Variants in DRAM1 observed in about 807,000 individuals in gnomAD.
The protein encoded by DRAM1 is DNA damage-regulated autophagy modulator protein 1.
A neutral mutation model predicts 28.5 loss-of-function variants in DRAM1; 25 were observed. The observed-to-expected ratio is 0.88, with a 90% CI of 0.64 to 1.23. The LOEUF is 1.23. Among genes scored for constraint, DRAM1 ranks in the 50% most tolerant of loss-of-function variants. The probability of loss-of-function intolerance (pLI) is 0.00; values close to 1 mark genes in which losing one functional copy is unlikely to be tolerated. For missense variants in DRAM1, 249 were observed against 299.2 expected (o/e 0.83, Z 1.24); for synonymous variants, 113 against 114.2 (o/e 0.99, Z 0.07).
chr12:101,907,384 GT>G (rs113194192), intron 3 of DRAM1, among the ~76,000 whole-genome samples: 3 of 147,832 alleles, frequency 2.0e-5, no homozygotes, highest in African/African-American at 2.5e-5. Context: ...ACGTACTTTG[GT>G]TTTTTTTTTC....
At chr12:101,894,267 AC>A (rs1196363874) in intron 1 of DRAM1, among the ~76,000 whole-genome samples, 1 of 151,978 alleles carries the variant, frequency 6.6e-6, no homozygotes, top group Non-Finnish European at 1.5e-5. Flanking sequence ...ACAGGCATGC[AC>A]CACTATGCCT....
At chr12:101,889,503 A>AAGGAAGGAAAGG (rs774762667) in intron 1 of DRAM1, among the ~76,000 whole-genome samples, 26 of 141,496 alleles carry the variant, frequency 1.8e-4, no homozygotes, top group Middle Eastern at 3.6e-3. Flanking sequence ...GTAAGGAAGG[A>AAGGAAGGAAAGG]AAGGAAGGAA....
At chr12:101,910,038 G>A (rs1873981652) in intron 4 of DRAM1, among the ~76,000 whole-genome samples, 1 of 152,200 alleles carries the variant, frequency 6.6e-6, no homozygotes, top group South Asian at 2.1e-4. Context: ...TAAATATTAA[G>A]CTTTGTGTTT....
chr12:101,880,301 T>G (rs1419820845), intron 1 of DRAM1, among the ~76,000 whole-genome samples: 3 of 145,168 alleles, frequency 2.1e-5, no homozygotes, highest in Non-Finnish European at 4.5e-5. Context: ...TTTTTTTTTT[T>G]TTTTAAGACA....
intron 1 of DRAM1, among the ~76,000 whole-genome samples, chr12:101,885,730 G>A (rs1415709631): frequency 6.6e-6 from 1 of 151,924 alleles, no homozygotes; most frequent in African/African-American, 2.4e-5. Flanking sequence ...GTTTCACTAT[G>A]TTGGCCAGGC....
chr12:101,882,350 TC>T (rs1266370911), intron 1 of DRAM1, among the ~76,000 whole-genome samples: 1 of 150,974 alleles, frequency 6.6e-6, no homozygotes, highest in African/African-American at 2.4e-5. Flanking sequence ...GACCTTGTGA[TC>T]CGCCCGCCTC....
At position 101,897,858 on chromosome 12, in the gene DRAM1, G is replaced by T. The variant is rs755022335; in HGVS notation, c.132-5G>T. The T allele has an allele frequency of 6.2e-7, 1 of 1,603,908 alleles. No homozygotes were observed. The highest frequency in any genetic ancestry group is 1.1e-5 in the South Asian group (1 of 90,164). ...AATAATTTGGACATTTCTTCCCTTTGCCAGTGATACGGGAACAACACCTCC... is the reference window on the plus strand; with the variant it reads ...AATAATTTGGACATTTCTTCCCTTTTCCAGTGATACGGGAACAACACCTCC... On this transcript the variant is annotated splice_polypyrimidine_tract_variant and splice_region_variant and intron_variant, in intron 1 of 6. Coordinates refer to ENST00000258534, the MANE Select transcript of DRAM1 (RefSeq NM_018370.3).
At chr12:101,920,294 T>TCAC in intron 6 of DRAM1, 93 bp downstream of exon 6, 1 of 372,612 alleles carries the variant, frequency 2.7e-6, no homozygotes, top group Non-Finnish European at 3.8e-6. Context: ...AAAAGAGCAC[T>TCAC]TTCTTTTTTT....
At chr12:101,897,234 C>T (rs1287001190) in intron 1 of DRAM1, among the ~76,000 whole-genome samples, 1 of 150,992 alleles carries the variant, frequency 6.6e-6, no homozygotes, top group Non-Finnish European at 1.5e-5. Context: ...GAGTCTTGCT[C>T]TGTTGCCCAG....
intron 3 of DRAM1, among the ~76,000 whole-genome samples, chr12:101,904,257 G>GC (rs906612828): frequency 1.3e-4 from 19 of 151,776 alleles, no homozygotes; most frequent in African/African-American, 4.6e-4. Flanking sequence ...CTCCTGAAGT[G>GC]CTGAGAGGTG....
chr12:101,911,827 A>C (rs1452176302), intron 4 of DRAM1, among the ~76,000 whole-genome samples: 1 of 152,250 alleles, frequency 6.6e-6, no homozygotes, highest in Admixed American at 6.5e-5. Context: ...TATGTTGTTT[A>C]TCAATACATA....
rs1873593203 is a variant in DRAM1, at chr12:101,901,310, A to G, written c.219A>G (p.Thr73=). The change falls in exon 3 of 7, where the codon ACA becomes ACG. Residue 73 remains threonine, a synonymous_variant. Transcript: ENST00000258534. Reference sequence around the variant, plus strand: ...TTTCAGGTGCAGCCACGATGTATACAAGATACAAAATAGTACAGAAGCAAA... The same window carrying G: ...TTTCAGGTGCAGCCACGATGTATACGAGATACAAAATAGTACAGAAGCAAA... ...SAFLGAATMY[T]RYKIVQKQNQ... 1 of 1,613,990 alleles carries G rather than the reference A, an allele frequency of 6.2e-7. No homozygotes were observed. Among genetic ancestry groups the G allele is most frequent in the Admixed American group, 1.7e-5 (1 of 59,970 alleles).
chr12:101,912,032 C>T (rs1311094354), intron 4 of DRAM1, among the ~76,000 whole-genome samples: 1 of 152,046 alleles, frequency 6.6e-6, no homozygotes, highest in Non-Finnish European at 1.5e-5. Flanking sequence ...AACCCCATCT[C>T]TACTAAAAAT....
Position 101,877,882 on chromosome 12 carries a change from GCTC to G in DRAM1, c.94_96del (p.Leu32del), listed in dbSNP as rs1594286178. 6.5e-7 allele frequency: 1 copy of G among 1,544,032 alleles called. No individual in the cohort carries two copies. The highest frequency in any genetic ancestry group is 1.7e-4 in the Middle Eastern group (1 of 5,960). ...TCATTATCTCCTACGTGGTCGCCGT[GCTC>G]TCCGGGCACGTCAACCCCTTCCTCC... On this transcript the variant is annotated inframe_deletion, in exon 1 of 7. Coordinates refer to ENST00000258534, the MANE Select transcript of DRAM1 (RefSeq NM_018370.3). The surrounding 1 kb of genome is among the most constrained non-coding windows in gnomAD (Gnocchi z 4.1).
intron 1 of DRAM1, among the ~76,000 whole-genome samples, chr12:101,884,108 C>T (rs917048805): frequency 1.3e-5 from 2 of 151,958 alleles, no homozygotes; most frequent in Non-Finnish European, 2.9e-5. Flanking sequence ...GATTTGCACT[C>T]GGGTGTGGTG....
chr12:101,917,206 C>T (rs963675066), intron 5 of DRAM1, among the ~76,000 whole-genome samples: 2 of 152,190 alleles, frequency 1.3e-5, no homozygotes, highest in African/African-American at 4.8e-5. Context: ...TTTCATTCAG[C>T]TATCAACCAA....
chr12:101,909,669 AAAATGAAATCCATTTTATTTTCT>A (rs1341734674), intron 4 of DRAM1, among the ~76,000 whole-genome samples: 3 of 152,210 alleles, frequency 2.0e-5, no homozygotes, highest in African/African-American at 7.2e-5. Context: ...TTTCATTTTC[AAAATGAAATCCATTTTATTTTCT>A]AACTCAGCAA....
chr12:101,896,370 A>G (rs1330488166), intron 1 of DRAM1, among the ~76,000 whole-genome samples: 2 of 152,236 alleles, frequency 1.3e-5, no homozygotes, highest in Non-Finnish European at 2.9e-5. Flanking sequence ...GAAACACTCA[A>G]AATGAGTTCA....
In DRAM1 at chr12:101,885,077, G is replaced by T. The variant is rs898763634; in HGVS notation, c.131+7157G>T. On this transcript the variant is annotated intron_variant, in intron 1 of 6. Transcript: ENST00000258534. Reference sequence around the variant, plus strand: ...TCCTCCCGAGTAGCTGTGATTAGAGGCATGTGCCACCACGCCCGGCTAATT... The same window carrying T: ...TCCTCCCGAGTAGCTGTGATTAGAGTCATGTGCCACCACGCCCGGCTAATT... Among the ~76,000 whole-genome samples, 3 of 152,004 alleles carry T rather than the reference G, an allele frequency of 2.0e-5. No individual in the cohort carries two copies. In the East Asian group the frequency reaches 5.8e-4, roughly 29 times the overall value.
Sources: gnomAD v4.1 joint callset for allele counts (sites outside exome capture counted in the v4.1 genomes callset) on GRCh38, gnomAD v4.1.1 for gene constraint, Gnocchi (gnomAD v3.1) non-coding constraint, MANE v1.5 for transcripts, NCBI Gene and HGNC (gene_info 2026-07-23, HGNC 2026-07-21) for gene names.